IGSF9B: variants seen among roughly 807,000 people sequenced by gnomAD.
The protein encoded by IGSF9B is immunoglobulin superfamily member 9B.
In IGSF9B, 48 loss-of-function variants were observed where a neutral mutation model predicts 143.7. The observed-to-expected ratio is 0.33, with a 90% CI of 0.26 to 0.42. The LOEUF is 0.42. Ranked by LOEUF, IGSF9B falls within the 20% of genes least tolerant of loss-of-function variation. IGSF9B has a pLI of 1.00. For synonymous variants in IGSF9B, 903 were observed against 833.1 expected, an observed-to-expected ratio of 1.08 and a Z score of -1.44; for missense variants, 1,706 against 1,980.0, an observed-to-expected ratio of 0.86 and a Z score of 2.63.
At chr11:133,941,240 G>C (rs1939951275) in intron 3 of IGSF9B, among the ~76,000 whole-genome samples, 1 of 152,152 alleles carries the variant, frequency 6.6e-6, no homozygotes, top group Admixed American at 6.5e-5. Context: ...GTAATTAATA[G>C]TGCAGGTTAG....
rs1939261046 is a variant in IGSF9B at position 133,909,114 on chromosome 11, G to A, written c.4269C>T (p.Leu1423=). The A allele has an allele frequency of 1.3e-6, 2 of 1,535,902 alleles. No individual in the cohort carries two copies. Among genetic ancestry groups the A allele is most frequent in the Non-Finnish European group, 1.7e-6 (2 of 1,146,744 alleles). ...RQLPEDQTAI[L]NSVDHDDPGH... ...CTGGGTCATCGTGGTCCACACTGTT[G>A]AGAATCGCTGTCTGGTCTTCCGGAA... The change falls in exon 20 of 20, where the codon CTC becomes CTT. Residue 1423 remains leucine, a synonymous_variant. Coordinates refer to ENST00000533871, the MANE Select transcript of IGSF9B (RefSeq NM_001277285.4). This position sits in a 1 kb window ranked among gnomAD's most constrained non-coding sequence, Gnocchi z 4.2.
chr11:133,939,926 C>T (rs1212729729), intron 3 of IGSF9B, among the ~76,000 whole-genome samples: 6 of 147,348 alleles, frequency 4.1e-5, no homozygotes, highest in African/African-American at 1.3e-4. Context: ...TCCTCGCACG[C>T]GTCATCACAT....
In IGSF9B at chr11:133,902,372, CCA is replaced by C. The variant is rs774878181; in HGVS notation, c.*6695_*6696del. ...CATACACAACCACACAATAGACACA[CCA>C]CACACAACACACCACACAATACGCA... is the stretch of plus-strand genomic sequence containing the variant. On this transcript the variant is annotated 3_prime_UTR_variant, in exon 20 of 20. Coordinates refer to ENST00000533871, the MANE Select transcript of IGSF9B (RefSeq NM_001277285.4). Among the ~76,000 whole-genome samples, 7 of 147,180 alleles carry C rather than the reference CCA, an allele frequency of 4.8e-5. No homozygotes were observed. The highest frequency in any genetic ancestry group is 9.0e-5 in the Non-Finnish European group (6 of 66,600).
Position 133,905,924 on chromosome 11 carries a change from G to A in IGSF9B, c.*3145C>T, listed in dbSNP as rs1460925175. ...CTCCCCACGCAAATGCAGTTGTCCA[G>A]GCCCCGCTAAGAACCGTTTTCCCCT... On this transcript the variant is annotated 3_prime_UTR_variant, in exon 20 of 20. Transcript: ENST00000533871. The surrounding 1 kb of genome is among the most constrained non-coding windows in gnomAD (Gnocchi z 4.0). 6.6e-6 allele frequency among the ~76,000 whole-genome samples: 1 copy of A among 152,204 alleles called. No homozygotes were observed. The highest frequency in any genetic ancestry group is 2.4e-5 in the African/African-American group (1 of 41,468).
rs1409754520 is a variant in IGSF9B, at chr11:133,931,549, C to G, written c.1272G>C (p.Val424=). 1 of 1,613,360 alleles carries G rather than the reference C, an allele frequency of 6.2e-7. No homozygotes were observed. Among genetic ancestry groups the G allele is most frequent in the Non-Finnish European group, 8.5e-7 (1 of 1,179,814 alleles). ...LVLKDPPYFT[V]LPGWEYRQEA... Reference sequence around the variant, plus strand: ...CCTGCCTGTACTCCCAGCCTGGTAGCACCGTGAAATAGGGGGGGTCCTGGG... The same window carrying G: ...CCTGCCTGTACTCCCAGCCTGGTAGGACCGTGAAATAGGGGGGGTCCTGGG... Residue 424 remains valine, a synonymous_variant, in exon 10 of 20, where the codon GTG becomes GTC. Transcript: ENST00000533871. The surrounding 1 kb of genome is among the most constrained non-coding windows in gnomAD (Gnocchi z 7.7).
chr11:133,919,401 G>C (rs1367888791), intron 18 of IGSF9B, among the ~76,000 whole-genome samples: 2 of 152,176 alleles, frequency 1.3e-5, no homozygotes, highest in Non-Finnish European at 2.9e-5. Context: ...GCAGGGACTC[G>C]GAGAGCCGTC....
intron 13 of IGSF9B, 77 bp from the exon 14 acceptor site, chr11:133,926,042 G>T: frequency 9.4e-7 from 1 of 1,063,306 alleles, no homozygotes; most frequent in Non-Finnish European, 1.4e-6. Context: ...ACACTCCTGT[G>T]CACATGTCAG....
intron 1 of IGSF9B, among the ~76,000 whole-genome samples, chr11:133,951,318 C>T (rs1591727809): frequency 6.6e-6 from 1 of 152,356 alleles, no homozygotes; most frequent in East Asian, 1.9e-4. Flanking sequence ...AGCATTTCCA[C>T]CCTTCAGTGA....
rs752727489 is a variant in IGSF9B at position 133,920,878 on chromosome 11, G to A, written c.2847C>T (p.Ala949=). Residue 949 remains alanine (A), a synonymous_variant, in exon 18 of 20, where the codon GCC becomes GCT. Transcript: ENST00000533871. ...GGGCAGGGGGCCGGGCCTGGCCTGT[G>A]GCCTGAAGCCGACCTTCCAGGCCAC... ...GPGGLEGRLQ[A]TGQARPPAPR... is the part of the protein sequence containing the mutation. 5.6e-6 allele frequency: 9 copies of A among 1,606,404 alleles called. No individual in the cohort carries two copies. In the South Asian group the frequency reaches 7.7e-5, roughly 14 times the overall value.
rs1164545104 is a variant in IGSF9B at position 133,948,666 on chromosome 11, T to C, written c.65-2408A>G. 7.0e-6 allele frequency among the ~76,000 whole-genome samples: 1 copy of C among 142,498 alleles called. No homozygotes were observed. Among genetic ancestry groups the C allele is most frequent in the African/African-American group, 2.6e-5 (1 of 38,134 alleles). The allele number at this position is 142,498 out of a possible 152,430, so 93.5% of individuals were successfully genotyped here. A position where few individuals can be genotyped will look rare whatever the true frequency, so the allele number is the denominator to read the frequency against. On this transcript the variant is annotated intron_variant, in intron 1 of 19. Coordinates refer to ENST00000533871, the MANE Select transcript of IGSF9B (RefSeq NM_001277285.4). The surrounding 1 kb of genome is among the most constrained non-coding windows in gnomAD (Gnocchi z 4.7). ...GTGTGTGTGTGTGTGTGTGTGTGTC[T>C]ACAGCACACACCTGTGAGGAGATAA...
In IGSF9B at chr11:133,906,725, A is replaced by G. The variant is rs996374671; in HGVS notation, c.*2344T>C. Among the ~76,000 whole-genome samples, 5 of 152,142 alleles carry G rather than the reference A, an allele frequency of 3.3e-5. No individual in the cohort carries two copies. The highest frequency in any genetic ancestry group is 1.2e-4 in the African/African-American group (5 of 41,438). On this transcript the variant is annotated 3_prime_UTR_variant, in exon 20 of 20. Transcript: ENST00000533871. The stretch of plus-strand genomic sequence containing the variant: ...CTGGAATTCCCAGGAGGGTGCTCAG[A>G]AAAGTAGGCCAAATTCATCCTGAAG...
At position 133,921,253 on chromosome 11, in the gene IGSF9B, C is replaced by T; in HGVS notation, c.2472G>A (p.Lys824=). The T allele has an allele frequency of 6.2e-7, 1 of 1,611,096 alleles. No homozygotes were observed. The highest frequency in any genetic ancestry group is 8.5e-7 in the Non-Finnish European group (1 of 1,179,136). The stretch of plus-strand genomic sequence containing the variant: ...TGTACTTCTTGCTGCTGATGGCCCG[C>T]TTGGTCTTCTTGTACAGCGACAGCT... The part of the protein sequence containing the change: ...EKELSLYKKT[K]RAISSKKYSV... The change falls in exon 18 of 20, where the codon AAG becomes AAA. Residue 824 remains lysine (K), a synonymous_variant. Coordinates refer to ENST00000533871, the MANE Select transcript of IGSF9B (RefSeq NM_001277285.4).
At chr11:133,926,439 C>T (rs1939628056) in intron 13 of IGSF9B, among the ~76,000 whole-genome samples, 1 of 152,222 alleles carries the variant, frequency 6.6e-6, no homozygotes, top group Non-Finnish European at 1.5e-5. Context: ...AAAGCCTGTT[C>T]ACAGTGGCCC....
In IGSF9B at chr11:133,911,892, G is replaced by A. The variant is rs1450618064; in HGVS notation, c.4099C>T (p.Arg1367Ter). 7.2e-6 allele frequency: 11 copies of A among 1,529,158 alleles called. No homozygotes were observed. The highest frequency in any genetic ancestry group is 1.4e-5 in the African/African-American group (1 of 72,576). The allele number at this position is 1,529,158 out of a possible 1,614,324, so 94.7% of individuals were successfully genotyped here. A position where few individuals can be genotyped will look rare whatever the true frequency, so the allele number is the denominator to read the frequency against. Reference sequence around the variant, plus strand: ...GCCACTGCCCATCATTTACCGGATCGTTTCTTTGACTTCGAAGAGCCCTTG... The same window carrying A: ...GCCACTGCCCATCATTTACCGGATCATTTCTTTGACTTCGAAGAGCCCTTG... ...SSKGSSKSKK[R>*]SDDSASQTQQ... The change falls in exon 19 of 20, where the codon CGA becomes TGA. Residue 1367 changes from arginine to a stop codon, truncating the protein, a stop_gained. Coordinates refer to ENST00000533871, the MANE Select transcript of IGSF9B (RefSeq NM_001277285.4). LOFTEE classifies it high-confidence loss of function.
In IGSF9B at chr11:133,928,769, C is replaced by T. The variant is rs1488315546; in HGVS notation, c.1631+902G>A. Among the ~76,000 whole-genome samples, 3 of 152,198 alleles carry T rather than the reference C, an allele frequency of 2.0e-5. No individual in the cohort carries two copies. Among genetic ancestry groups the T allele is most frequent in the Admixed American group, 2.0e-4 (3 of 15,282 alleles). ...TCCTGTGCCTCCTGCCCTCACCCCG[C>T]TTGGCACATTTTTGAGATCTGTATC... On this transcript the variant is annotated intron_variant, in intron 12 of 19. Coordinates refer to ENST00000533871, the MANE Select transcript of IGSF9B (RefSeq NM_001277285.4). The surrounding 1 kb of genome is among the most constrained non-coding windows in gnomAD (Gnocchi z 4.7).
chr11:133,939,214 A>G (rs750162684), intron 3 of IGSF9B, among the ~76,000 whole-genome samples: 11 of 152,210 alleles, frequency 7.2e-5, no homozygotes, highest in Admixed American at 6.5e-5. Flanking sequence ...TTAGGACTAC[A>G]TACCTGGAGC....
chr11:133,942,361 T>A (rs1254825020), intron 3 of IGSF9B, among the ~76,000 whole-genome samples: 2 of 152,134 alleles, frequency 1.3e-5, no homozygotes, highest in African/African-American at 4.8e-5. Context: ...ACACAGTGGG[T>A]TTATGAAACG....
In IGSF9B at chr11:133,925,841, G is replaced by A. The variant is rs765113689; in HGVS notation, c.1932C>T (p.Ile644=). 15 of 1,613,748 alleles carry A rather than the reference G, an allele frequency of 9.3e-6. No homozygotes were observed. The highest frequency in any genetic ancestry group is 6.7e-5 in the African/African-American group (5 of 74,938). Residue 644 remains isoleucine, a synonymous_variant, in exon 14 of 20, where the codon ATC becomes ATT. Coordinates refer to ENST00000533871, the MANE Select transcript of IGSF9B (RefSeq NM_001277285.4). ...WLPPANHSFP[I]DRYIMEFRVA... is the part of the protein sequence containing the mutation. ...CACGGAACTCCATGATGTAGCGGTCGATGGGAAAGCTGTGGTTGGCAGGCG... is the reference window on the plus strand; with the variant it reads ...CACGGAACTCCATGATGTAGCGGTCAATGGGAAAGCTGTGGTTGGCAGGCG...
chr11:133,930,356 G>A (rs775699454), intron 11 of IGSF9B, among the ~76,000 whole-genome samples: 74 of 152,128 alleles, frequency 4.9e-4, no homozygotes, highest in Non-Finnish European at 9.1e-4. Flanking sequence ...CGCACCTCCC[G>A]AGTTGTGAAG....
Sources: allele counts gnomAD v4.1 joint callset (sites outside exome capture counted in the v4.1 genomes callset), GRCh38; gene constraint gnomAD v4.1.1; non-coding constraint Gnocchi (gnomAD v3.1); transcripts MANE v1.5; gene names NCBI Gene and HGNC (gene_info 2026-07-23, HGNC 2026-07-21).